Variants in PDZRN4 observed in about 807,000 individuals in gnomAD.
The protein encoded by PDZRN4 is PDZ domain-containing RING finger protein 4.
In PDZRN4, 70 loss-of-function variants were observed where a neutral mutation model predicts 99.0. The ratio of observed to expected loss-of-function variants is 0.71; its 90% CI spans 0.58 to 0.86. The LOEUF is 0.86. Ranked by LOEUF, PDZRN4 falls within the 40% of genes least tolerant of loss-of-function variation. PDZRN4 has a pLI of 0.00. For synonymous variants in PDZRN4, 551 were observed against 501.6 expected, an observed-to-expected ratio of 1.10 and a Z score of -1.32; for missense variants, 1,474 against 1,331.2, an observed-to-expected ratio of 1.11 and a Z score of -1.67.
At chr12:41,563,326 A>G (rs1939305614) in intron 7 of PDZRN4, among the ~76,000 whole-genome samples, 1 of 152,180 alleles carries the variant, frequency 6.6e-6, no homozygotes, top group African/African-American at 2.4e-5. Flanking sequence ...ATTTATGAAC[A>G]TAACTGCTTC....
intron 3 of PDZRN4, among the ~76,000 whole-genome samples, chr12:41,217,663 A>G (rs1451734525): frequency 6.6e-6 from 1 of 152,110 alleles, no homozygotes; most frequent in Non-Finnish European, 1.5e-5. Context: ...TTCTCTGGGT[A>G]AAACAGATCA....
In PDZRN4 at chr12:41,188,546, A is replaced by C. The variant is rs768010807; in HGVS notation, c.91A>C (p.Thr31Pro). ...CCAGGTGCTTGAAGAGCCCCTGTGCACGCCGTGCGGGCACGTCTTCTGCGC... is the reference window on the plus strand; with the variant it reads ...CCAGGTGCTTGAAGAGCCCCTGTGCCCGCCGTGCGGGCACGTCTTCTGCGC... The part of the protein sequence containing the change: ...CGQVLEEPLC[T>P]PCGHVFCASC... The change falls in exon 1 of 10, where the codon ACG becomes CCG. Residue 31 changes from threonine (T) to proline (P), a missense_variant. Transcript: ENST00000402685. 1.3e-6 allele frequency: 2 copies of C among 1,567,776 alleles called. No homozygotes were observed. The highest frequency in any genetic ancestry group is 1.7e-6 in the Non-Finnish European group (2 of 1,164,744).
At chr12:41,535,847 C>G (rs79896426) in intron 5 of PDZRN4, among the ~76,000 whole-genome samples, 7 of 152,158 alleles carry the variant, frequency 4.6e-5, no homozygotes, top group Non-Finnish European at 1.0e-4. Flanking sequence ...GACTTCCCAG[C>G]CCTCCAGAAC....
chr12:41,327,537 T>G (rs1397216759), intron 3 of PDZRN4, among the ~76,000 whole-genome samples: 1 of 152,142 alleles, frequency 6.6e-6, no homozygotes, highest in Non-Finnish European at 1.5e-5. Flanking sequence ...CCTGTTCAAT[T>G]TGAATAAAAC....
intron 3 of PDZRN4, among the ~76,000 whole-genome samples, chr12:41,273,020 G>A (rs764095): frequency 0.5 from 76,615 of 151,746 alleles, 21,324 homozygotes; most frequent in East Asian, 0.71. Flanking sequence ...TTCCTAAAAG[G>A]CGCATTTCCT....
intron 3 of PDZRN4, among the ~76,000 whole-genome samples, chr12:41,466,751 G>GTTTTTT (rs61259671): frequency 1.6e-5 from 2 of 122,172 alleles, no homozygotes; most frequent in African/African-American, 6.2e-5. Context: ...TATTTCCAGT[G>GTTTTTT]TTTTTTTTTT....
At chr12:41,540,855 C>A (rs1181182001) in intron 5 of PDZRN4, among the ~76,000 whole-genome samples, 3 of 115,190 alleles carry the variant, frequency 2.6e-5, no homozygotes, top group African/African-American at 1.1e-4. Flanking sequence ...CCCAAGGCCC[C>A]TTTTCTTCGT....
intron 3 of PDZRN4, among the ~76,000 whole-genome samples, chr12:41,200,619 C>T (rs1396707619): frequency 6.6e-6 from 1 of 152,130 alleles, no homozygotes; most frequent in Non-Finnish European, 1.5e-5. Flanking sequence ...GGTTCCCATT[C>T]TCCTCATCAT....
rs539562172 is a variant in PDZRN4 at position 41,453,676 on chromosome 12, A to G, written c.844-52780A>G. On this transcript the variant is annotated intron_variant, in intron 3 of 9. Transcript: ENST00000402685. ...ATGTACTCATCCATCTTCTTGTCCC[A>G]TTACATTTGGTGTGACTGATGTTCT... 1.6e-4 allele frequency among the ~76,000 whole-genome samples: 24 copies of G among 152,268 alleles called. No homozygotes were observed. In the South Asian group the frequency reaches 5.0e-3, roughly 32 times the overall value.
At chr12:41,214,161 C>A (rs2120706643) in intron 3 of PDZRN4, among the ~76,000 whole-genome samples, 1 of 147,842 alleles carries the variant, frequency 6.8e-6, no homozygotes, top group South Asian at 2.2e-4. Context: ...GCTTACGCCT[C>A]TAATCTCAGC....
At chr12:41,268,705 C>A (rs1469722318) in intron 3 of PDZRN4, among the ~76,000 whole-genome samples, 1 of 152,084 alleles carries the variant, frequency 6.6e-6, no homozygotes, top group Non-Finnish European at 1.5e-5. Context: ...TCTTTTCCAA[C>A]ATAAAGAATT....
intron 5 of PDZRN4, among the ~76,000 whole-genome samples, chr12:41,550,626 C>T (rs149512401): frequency 8.5e-5 from 13 of 152,272 alleles, no homozygotes; most frequent in African/African-American, 3.1e-4. Flanking sequence ...GTGCAGCCTA[C>T]ACTATAACCT....
intron 3 of PDZRN4, among the ~76,000 whole-genome samples, chr12:41,379,384 C>T (rs948478359): frequency 2.0e-5 from 3 of 148,342 alleles, no homozygotes; most frequent in Non-Finnish European, 4.5e-5. Flanking sequence ...ATAAATAATA[C>T]TTTATTTTTT....
At chr12:41,254,844 C>A (rs936584624) in intron 3 of PDZRN4, among the ~76,000 whole-genome samples, 1 of 152,152 alleles carries the variant, frequency 6.6e-6, no homozygotes, top group East Asian at 1.9e-4. Flanking sequence ...GTAATTCCAA[C>A]ATTTTGGGAA....
rs1939497669 is a variant in PDZRN4 at position 41,572,419 on chromosome 12, A to G, written c.1640A>G (p.Asn547Ser). ...ACAGACACTGCAACATCCTCATCCA[A>G]CAACCATGAGAAGGACAGTGGAGTA... ...GTTDTATSSS[N>S]NHEKDSGVGR... The change falls in exon 10 of 10, where the codon AAC (asparagine) becomes AGC (serine). Residue 547 changes from asparagine (N) to serine (S), a missense_variant. Physicochemically the swap from Asn to Ser is conservative, Grantham distance 46 (BLOSUM62 1). Coordinates refer to ENST00000402685, the MANE Select transcript of PDZRN4 (RefSeq NM_001164595.2). 2 of 1,614,008 alleles carry G rather than the reference A, an allele frequency of 1.2e-6. No homozygotes were observed. Among genetic ancestry groups the G allele is most frequent in the Non-Finnish European group, 1.7e-6 (2 of 1,179,992 alleles).
chr12:41,520,619 GACACAC>G (rs10580466), intron 5 of PDZRN4, among the ~76,000 whole-genome samples: 10,321 of 137,276 alleles, frequency 0.075, 828 homozygotes, highest in African/African-American at 0.19. Context: ...CCTAAATACA[GACACAC>G]ACACACACAC....
At chr12:41,390,503 A>G (rs1220951632) in intron 3 of PDZRN4, among the ~76,000 whole-genome samples, 2 of 148,256 alleles carry the variant, frequency 1.3e-5, no homozygotes, top group South Asian at 2.1e-4. Flanking sequence ...ATTTTGCCCC[A>G]TACTCTCTAA....
At chr12:41,539,837 G>C (rs1242791140) in intron 5 of PDZRN4, among the ~76,000 whole-genome samples, 3 of 152,128 alleles carry the variant, frequency 2.0e-5, no homozygotes, top group Non-Finnish European at 4.4e-5. Flanking sequence ...TCCCAGTCTG[G>C]AATTCAATGT....
At chr12:41,255,942 C>T (rs1951202218) in intron 3 of PDZRN4, among the ~76,000 whole-genome samples, 1 of 152,076 alleles carries the variant, frequency 6.6e-6, no homozygotes, top group Non-Finnish European at 1.5e-5. Context: ...AAATTCACTC[C>T]CATGACCCAA....
Sources: gnomAD v4.1 joint callset for allele counts (sites outside exome capture counted in the v4.1 genomes callset) on GRCh38, gnomAD v4.1.1 for gene constraint, MANE v1.5 for transcripts, NCBI Gene and HGNC (gene_info 2026-07-23, HGNC 2026-07-21) for gene names.